GATA4: variants seen among roughly 807,000 people sequenced by gnomAD.
GATA4 encodes GATA binding protein 4.
GATA4 carries 7 observed loss-of-function variants against 37.9 expected under a neutral mutation model. The observed-to-expected ratio is 0.18, with a 90% CI of 0.11 to 0.35. GATA4 has a LOEUF of 0.35. Ranked by LOEUF, GATA4 falls within the 10% of genes least tolerant of loss-of-function variation. The probability of loss-of-function intolerance (pLI) is 1.00; values close to 1 mark genes in which losing one functional copy is unlikely to be tolerated. For missense variants in GATA4, 647 were observed against 653.0 expected (o/e 0.99, Z 0.10); for synonymous variants, 372 against 292.6 (o/e 1.27, Z -2.77).
chr8:11,697,890 G>A (rs1436456100), intron 1 of GATA4: 3 of 985,488 alleles, frequency 3.0e-6, no homozygotes, highest in Non-Finnish European at 3.6e-6. Flanking sequence ...CTGGCTCAGG[G>A]AATGCCAGAT....
At chr8:11,722,508 A>C (rs766951696) in intron 2 of GATA4, among the ~76,000 whole-genome samples, 74 of 152,260 alleles carry the variant, frequency 4.9e-4, no homozygotes, top group Non-Finnish European at 9.0e-4. Flanking sequence ...TCAGGATCTA[A>C]ATGAGGTCTA....
intron 2 of GATA4, among the ~76,000 whole-genome samples, chr8:11,747,819 T>A (rs1365573795): frequency 6.6e-6 from 1 of 152,208 alleles, no homozygotes; most frequent in Non-Finnish European, 1.5e-5. Context: ...TATATGAGTG[T>A]ATAAAGAATT....
chr8:11,688,587 G>T (rs561113259), upstream of GATA4, among the ~76,000 whole-genome samples: 7 of 152,208 alleles, frequency 4.6e-5, no homozygotes, highest in East Asian at 1.4e-3. Flanking sequence ...GTGTGGGGAC[G>T]TTATGTGATG....
chr8:11,688,422 G>A (rs1799207592), upstream of GATA4, among the ~76,000 whole-genome samples: 1 of 152,116 alleles, frequency 6.6e-6, no homozygotes, highest in Non-Finnish European at 1.5e-5. Flanking sequence ...ACCACTGTAG[G>A]GGATTATAGA....
upstream of GATA4, among the ~76,000 whole-genome samples, chr8:11,701,233 C>T (rs906233391): frequency 1.5e-5 from 2 of 132,952 alleles, no homozygotes; most frequent in African/African-American, 2.7e-5. Context: ...GTCATTAGAC[C>T]CAGGTTCTTA....
chr8:11,724,382 C>G (rs982351110), intron 2 of GATA4, among the ~76,000 whole-genome samples: 11 of 152,168 alleles, frequency 7.2e-5, no homozygotes, highest in African/African-American at 2.4e-4. Flanking sequence ...TTTTAGGGAC[C>G]ATCATCCCAT....
intron 4 of GATA4, among the ~76,000 whole-genome samples, chr8:11,751,858 TG>T (rs1190393397): frequency 6.6e-6 from 1 of 152,252 alleles, no homozygotes. Context: ...GATCTGTATT[TG>T]AATTACTGCA....
At chr8:11,680,654 C>T in intron 1 of GATA4, 1 of 985,340 alleles carries the variant, frequency 1.0e-6, no homozygotes, top group Non-Finnish European at 1.2e-6. Context: ...GGGAACGTGT[C>T]TCGGGTCGCC....
Position 11,708,457 on chromosome 8 carries a change from C to A in GATA4, c.145C>A (p.Leu49Met). The A allele has an allele frequency of 6.5e-7, 1 of 1,531,830 alleles. No homozygotes were observed. Among genetic ancestry groups the A allele is most frequent in the Non-Finnish European group, 8.7e-7 (1 of 1,145,136 alleles). 94.9% of individuals were successfully genotyped at this position (1,531,830 alleles called of 1,614,324 possible). Residue 49 changes from leucine to methionine, a missense_variant, in exon 2 of 7, where the codon CTG becomes ATG. Physicochemically the swap from Leu to Met is conservative, Grantham distance 15. Around this residue, in one of 5 missense-constraint regions of GATA4, gnomAD observed 379 missense variants for 334.5 expected, o/e 1.13. Transcript: ENST00000532059. The surrounding 1 kb of genome is among the most constrained non-coding windows in gnomAD (Gnocchi z 6.7). ...CACACCGCGGGTGCCCTCCTCCGTG[C>A]TGGGCCTGTCCTACCTCCAGGGCGG... The part of the protein sequence containing the change: ...VPTPRVPSSV[L>M]GLSYLQGGGA...
intron 1 of GATA4, chr8:11,680,710 CCGCTGCG>C: frequency 1.0e-6 from 1 of 985,346 alleles, no homozygotes; most frequent in Non-Finnish European, 1.2e-6. Context: ...AATCCTCCAG[CCGCTGCG>C]CACGGATACC....
intron 2 of GATA4, among the ~76,000 whole-genome samples, chr8:11,732,962 C>G (rs1425165347): frequency 6.6e-6 from 1 of 152,148 alleles, no homozygotes; most frequent in South Asian, 2.1e-4. Flanking sequence ...GCCCAACCTC[C>G]AAATACCATC....
intron 2 of GATA4, among the ~76,000 whole-genome samples, chr8:11,718,596 T>C (rs932160644): frequency 4.6e-5 from 7 of 152,234 alleles, no homozygotes; most frequent in African/African-American, 1.4e-4. Context: ...TTTGGAGTTT[T>C]CCTTTGTACT....
intron 2 of GATA4, among the ~76,000 whole-genome samples, chr8:11,717,648 G>T (rs73537875): frequency 6.6e-6 from 1 of 152,148 alleles, no homozygotes; most frequent in African/African-American, 2.4e-5. Context: ...TGATTGAAGG[G>T]CTCTATTAAA....
At position 11,709,101 on chromosome 8, in the gene GATA4, G is replaced by A. The variant is rs944419175; in HGVS notation, c.616+173G>A. Among the ~76,000 whole-genome samples the A allele has an allele frequency of 1.3e-5, 2 of 152,164 alleles. No homozygotes were observed. The highest frequency in any genetic ancestry group is 2.4e-5 in the African/African-American group (1 of 41,448). On this transcript the variant is annotated intron_variant, in intron 2 of 6. Transcript: ENST00000532059. The surrounding 1 kb of genome is among the most constrained non-coding windows in gnomAD (Gnocchi z 4.3). Reference sequence around the variant, plus strand: ...CCAGTGCGGGGCTGGCGACATCACAGCCCCAGAAGACCGGCTTCTGTGGAA... The same window carrying A: ...CCAGTGCGGGGCTGGCGACATCACAACCCCAGAAGACCGGCTTCTGTGGAA...
intron 1 of GATA4, chr8:11,692,677 G>A (rs1170553245): frequency 5.1e-6 from 5 of 985,034 alleles, no homozygotes; most frequent in Non-Finnish European, 4.8e-6. Context: ...GCGGGGGTGC[G>A]GGGGTGAGGG....
rs553392595 is a variant in GATA4, at chr8:11,694,811, C to T, written c.-729+2151C>T. Among the ~76,000 whole-genome samples, 6 of 152,254 alleles carry T rather than the reference C, an allele frequency of 3.9e-5. No individual in the cohort carries two copies. The East Asian group carries it at 1.2e-3, about 29-fold the overall frequency. ...TTAGAAACAATCATATTATCAAGAA[C>T]TCTGGGAAGAGGTAGAAACAATCTC... On this transcript the variant is annotated intron_variant, in intron 1 of 2. Coordinates refer to the GATA4 transcript ENST00000526974.
chr8:11,755,092 A>G lies in GATA4; in HGVS notation c.959A>G (p.Lys320Arg). ...AMRKEGIQTR[K>R]RKPKNLNKSK... is the part of the protein sequence containing the mutation. ...CGGAAAGAGGGGATCCAAACCAGAA[A>G]ACGGAAGCCCAAGAACCTGAATAAA... The change falls in exon 5 of 7, where the codon AAA (lysine) becomes AGA (arginine). Residue 320 changes from lysine to arginine, a missense_variant. By Grantham distance (26) the Lys-to-Arg change is conservative. Transcript: ENST00000532059. 6.2e-7 allele frequency: 1 copy of G among 1,614,120 alleles called. No homozygotes were observed. Among genetic ancestry groups the G allele is most frequent in the African/African-American group, 1.3e-5 (1 of 75,046 alleles).
intron 2 of GATA4, 52 bp from the exon 3 acceptor site, chr8:11,748,864 A>C (rs1456032647): frequency 6.2e-7 from 1 of 1,601,572 alleles, no homozygotes; most frequent in Non-Finnish European, 8.6e-7. Flanking sequence ...AGCTGGGCAT[A>C]AACAAAGAAT....
chr8:11,695,928 G>T (rs1799495727), intron 1 of GATA4, among the ~76,000 whole-genome samples: 1 of 152,160 alleles, frequency 6.6e-6, no homozygotes, highest in Admixed American at 6.5e-5. Context: ...CTTGAAAAAT[G>T]ATCCTTTAAA....
Sources: allele counts gnomAD v4.1 joint callset (sites outside exome capture counted in the v4.1 genomes callset), GRCh38; gene constraint gnomAD v4.1.1; regional missense constraint gnomAD v4.1.1; non-coding constraint Gnocchi (gnomAD v3.1); transcripts MANE v1.5; gene names NCBI Gene and HGNC (gene_info 2026-07-23, HGNC 2026-07-21).